Variants in ZFYVE16 observed in about 807,000 individuals in gnomAD.
The protein encoded by ZFYVE16 is zinc finger FYVE-type containing 16, also known as zinc finger FYVE domain-containing protein 16.
ZFYVE16 carries 89 observed loss-of-function variants against 138.1 expected under a neutral mutation model. The observed-to-expected ratio is 0.64, with a 90% CI of 0.54 to 0.77. ZFYVE16 has a LOEUF of 0.77. Among genes scored for constraint, ZFYVE16 ranks in the 30% least tolerant of loss-of-function variants. The pLI, the probability that ZFYVE16 is intolerant of heterozygous loss-of-function variation, is 0.00. For synonymous variants in ZFYVE16, 596 were observed against 618.3 expected, an observed-to-expected ratio of 0.96 and a Z score of 0.53; for missense variants, 1,793 against 1,786.7, an observed-to-expected ratio of 1.00 and a Z score of -0.06.
intron 15 of ZFYVE16, among the ~76,000 whole-genome samples, chr5:80,465,029 T>C (rs940909501): frequency 7.2e-5 from 11 of 152,206 alleles, no homozygotes; most frequent in Non-Finnish European, 1.3e-4. Context: ...TTTATAATTA[T>C]TGATTTATGC....
In ZFYVE16 at chr5:80,422,700, G is replaced by T. The variant is rs189745199; in HGVS notation, c.-93-4792G>T. Among the ~76,000 whole-genome samples the T allele has an allele frequency of 2.6e-5, 4 of 151,994 alleles. No homozygotes were observed. In the East Asian group the frequency reaches 7.7e-4, roughly 29 times the overall value. ...AAACTCCTGACCTTGTGATCTGCCC[G>T]TCTCAGCCTCGCAAAGTACTGGGAT... On this transcript the variant is annotated intron_variant, in intron 1 of 18. Transcript: ENST00000505560.
At chr5:80,474,633 T>C in intron 17 of ZFYVE16, 30 bp from the exon 18 acceptor site, 1 of 1,571,948 alleles carries the variant, frequency 6.4e-7, no homozygotes, top group South Asian at 1.2e-5. Flanking sequence ...CTTTTAATCA[T>C]GACTTGTTTC....
intron 15 of ZFYVE16, among the ~76,000 whole-genome samples, chr5:80,466,925 C>G (rs1405457499): frequency 2.6e-5 from 4 of 152,182 alleles, no homozygotes; most frequent in Non-Finnish European, 4.4e-5. Context: ...TACCTATCCT[C>G]TCATCTCCAG....
At chr5:80,423,827 T>A (rs973543994) in intron 1 of ZFYVE16, among the ~76,000 whole-genome samples, 1 of 152,184 alleles carries the variant, frequency 6.6e-6, no homozygotes, top group Non-Finnish European at 1.5e-5. Context: ...CGTGAGCCAC[T>A]GCGCCTGGCC....
chr5:80,449,130 CTT>C (rs561539823), intron 8 of ZFYVE16, among the ~76,000 whole-genome samples: 1 of 146,288 alleles, frequency 6.8e-6, no homozygotes, highest in African/African-American at 2.5e-5. Flanking sequence ...TTGTCAAGAT[CTT>C]TTTTTTTTTG....
intron 2 of ZFYVE16, among the ~76,000 whole-genome samples, chr5:80,428,782 C>T (rs1190874589): frequency 1.3e-5 from 2 of 152,190 alleles, no homozygotes; most frequent in Non-Finnish European, 2.9e-5. Flanking sequence ...GAGCTGAGAA[C>T]CATGGCATGA....
intron 15 of ZFYVE16, among the ~76,000 whole-genome samples, chr5:80,465,929 C>CTT (rs532634082): frequency 2.1e-5 from 3 of 142,696 alleles, no homozygotes; most frequent in Non-Finnish European, 1.5e-5. Flanking sequence ...TATTGGTATT[C>CTT]TTTTTTTTTT....
Position 80,437,904 on chromosome 5 carries a change from A to C in ZFYVE16, c.1219A>C (p.Ile407Leu). ...FLPQHEHKDNIQDAVTIHEEI... is the reference protein window; with the variant it reads ...FLPQHEHKDNLQDAVTIHEEI... The stretch of plus-strand genomic sequence containing the variant: ...ACCTCAGCATGAACATAAAGATAAT[A>C]TACAAGATGCAGTGACTATACATGA... Residue 407 changes from isoleucine to leucine, a missense_variant, in exon 4 of 19, where the codon ATA (isoleucine) becomes CTA (leucine). By Grantham distance (5) the Ile-to-Leu change is conservative. Coordinates refer to ENST00000505560, the MANE Select transcript of ZFYVE16 (RefSeq NM_001284236.3). 1 of 1,614,076 alleles carries C rather than the reference A, an allele frequency of 6.2e-7. No individual in the cohort carries two copies. The highest frequency in any genetic ancestry group is 8.5e-7 in the Non-Finnish European group (1 of 1,179,968).
intron 15 of ZFYVE16, among the ~76,000 whole-genome samples, chr5:80,460,789 A>G (rs1305004083): frequency 1.3e-5 from 2 of 152,152 alleles, no homozygotes; most frequent in African/African-American, 2.4e-5. Flanking sequence ...TACCGATTCC[A>G]TACTATTTTA....
At position 80,474,702 on chromosome 5, in the gene ZFYVE16, T is replaced by C; in HGVS notation, c.4333T>C (p.Ser1445Pro). The change falls in exon 18 of 19, where the codon TCA (serine) becomes CCA (proline). Residue 1445 changes from serine (S) to proline (P), a missense_variant. Coordinates refer to ENST00000505560, the MANE Select transcript of ZFYVE16 (RefSeq NM_001284236.3). ...AAAGGACCAGGATTTATCTATTTTA[T>C]CAACTTCTTATCAGTTTGCAAAAGA... is the stretch of plus-strand genomic sequence containing the variant. ...FLKDQDLSIL[S>P]TSYQFAKEIA... The C allele has an allele frequency of 6.2e-7, 1 of 1,613,792 alleles. No homozygotes were observed. Among genetic ancestry groups the C allele is most frequent in the Non-Finnish European group, 8.5e-7 (1 of 1,179,778 alleles).
chr5:80,447,853 A>G (rs949156659), intron 7 of ZFYVE16, among the ~76,000 whole-genome samples, 173 bp from the exon 8 acceptor site: 1 of 152,244 alleles, frequency 6.6e-6, no homozygotes, highest in African/African-American at 2.4e-5. Context: ...CTGAATTTGA[A>G]GAATCAAAAT....
At chr5:80,434,321 G>A (rs1175208703) in intron 3 of ZFYVE16, 104 bp downstream of exon 3, 63 of 1,174,176 alleles carry the variant, frequency 5.4e-5, no homozygotes, top group Non-Finnish European at 7.2e-5. Context: ...TTCAATTTTG[G>A]TCACGTTATC....
intron 15 of ZFYVE16, among the ~76,000 whole-genome samples, chr5:80,460,499 T>G (rs1752990464): frequency 6.6e-6 from 1 of 152,218 alleles, no homozygotes; most frequent in Non-Finnish European, 1.5e-5. Context: ...TCGAAAGATA[T>G]TCTCCTATGT....
At chr5:80,473,013 C>T (rs534018421) in intron 16 of ZFYVE16, 90 bp downstream of exon 16, 39 of 1,141,688 alleles carry the variant, frequency 3.4e-5, no homozygotes, top group Admixed American at 1.5e-4. Flanking sequence ...ATTTTATGAA[C>T]GAATATATAC....
intron 13 of ZFYVE16, 38 bp from the exon 14 acceptor site, chr5:80,456,907 G>A: frequency 6.4e-7 from 1 of 1,569,666 alleles, no homozygotes; most frequent in African/African-American, 1.4e-5. Flanking sequence ...TATTAAAAGT[G>A]TTTCTAAATA....
intron 15 of ZFYVE16, among the ~76,000 whole-genome samples, chr5:80,462,609 C>T (rs934248600): frequency 2.0e-5 from 3 of 152,166 alleles, no homozygotes; most frequent in East Asian, 1.9e-4. Flanking sequence ...TCCCAAATCT[C>T]ACGTCCTCAC....
chr5:80,430,931 A>G (rs1320182268), intron 2 of ZFYVE16, among the ~76,000 whole-genome samples: 2 of 152,234 alleles, frequency 1.3e-5, no homozygotes, highest in Non-Finnish European at 2.9e-5. Flanking sequence ...AGGCTCTGAA[A>G]TTGAGGCAAT....
chr5:80,443,056 G>A (rs112091381), intron 5 of ZFYVE16, 67 bp from the exon 6 acceptor site: 1 of 1,365,400 alleles, frequency 7.3e-7, no homozygotes, highest in Non-Finnish European at 9.7e-7. Flanking sequence ...AATATTTATT[G>A]TAATTTACTT....
intron 1 of ZFYVE16, among the ~76,000 whole-genome samples, chr5:80,422,573 G>C (rs986575777): frequency 5.9e-5 from 9 of 152,082 alleles, no homozygotes; most frequent in African/African-American, 2.2e-4. Flanking sequence ...TCCTGCCTCA[G>C]CCTTCTGAGT....
Sources: allele counts gnomAD v4.1 joint callset (sites outside exome capture counted in the v4.1 genomes callset), GRCh38; gene constraint gnomAD v4.1.1; transcripts MANE v1.5; gene names NCBI Gene and HGNC (gene_info 2026-07-23, HGNC 2026-07-21).